The following TSNARE1 variants were observed in gnomAD, a reference collection of about 807,000 sequenced individuals.
TSNARE1 encodes t-SNARE domain-containing protein 1.
A neutral mutation model predicts 62.0 loss-of-function variants in TSNARE1; 49 were observed. The ratio of observed to expected loss-of-function variants is 0.79; its 90% confidence interval spans 0.63 to 1.00. TSNARE1 has a LOEUF of 1.00. Ranked by LOEUF, TSNARE1 falls within the 50% of genes least tolerant of loss-of-function variation. The probability of loss-of-function intolerance (pLI) is 0.00; values close to 1 mark genes in which losing one functional copy is unlikely to be tolerated. For missense variants in TSNARE1, 755 were observed against 700.1 expected (o/e 1.08, Z -0.88); for synonymous variants, 328 against 294.4 (o/e 1.11, Z -1.17).
intron 1 of TSNARE1, among the ~76,000 whole-genome samples, chr8:142,375,376 C>A (rs117940025): frequency 2.0e-5 from 3 of 152,218 alleles, no homozygotes; most frequent in Non-Finnish European, 4.4e-5. Flanking sequence ...GAGCGCCACA[C>A]GTGGTGGTCA....
upstream of TSNARE1, chr8:142,406,015 G>A (rs1446582115): frequency 6.6e-6 from 1 of 152,266 alleles, no homozygotes; most frequent in African/African-American, 2.4e-5. Context: ...CCCAGGGGAT[G>A]ACTGCAGGAG....
intron 12 of TSNARE1, chr8:142,273,464 T>C: frequency 1.0e-6 from 1 of 985,444 alleles, no homozygotes; most frequent in Non-Finnish European, 1.2e-6. Context: ...GGCCAAGGGC[T>C]GAGGCCAAAC....
At chr8:142,392,556 C>T (rs541515825) in intron 1 of TSNARE1, among the ~76,000 whole-genome samples, 4 of 152,224 alleles carry the variant, frequency 2.6e-5, no homozygotes, top group African/African-American at 7.2e-5. Flanking sequence ...AATTTTTCGG[C>T]GCCAGTATAA....
intron 4 of TSNARE1, among the ~76,000 whole-genome samples, chr8:142,333,168 C>T (rs1831295044): frequency 6.6e-6 from 1 of 152,220 alleles, no homozygotes; most frequent in Non-Finnish European, 1.5e-5. Flanking sequence ...GGTTACACAT[C>T]TGTCACAACG....
At chr8:142,261,115 AGGAGAG>A (rs1383268606) in intron 12 of TSNARE1, among the ~76,000 whole-genome samples, 3 of 49,452 alleles carry the variant, frequency 6.1e-5, no homozygotes, top group African/African-American at 1.0e-4. Flanking sequence ...GGAGCAGGGA[AGGAGAG>A]AGAGAGGAGG....
intron 1 of TSNARE1, among the ~76,000 whole-genome samples, chr8:142,379,253 A>C (rs1430807408): frequency 6.6e-6 from 1 of 152,212 alleles, no homozygotes; most frequent in Non-Finnish European, 1.5e-5. Context: ...TCCGTCACGG[A>C]GTAGGCACCA....
chr8:142,366,050 T>C (rs1366901562), intron 1 of TSNARE1: 3 of 371,280 alleles, frequency 8.1e-6, no homozygotes, highest in Non-Finnish European at 1.6e-5. Context: ...ATTGCTTTTT[T>C]TTCTTTTTTT....
intron 1 of TSNARE1, among the ~76,000 whole-genome samples, chr8:142,393,728 C>T (rs931412487): frequency 3.9e-5 from 6 of 152,192 alleles, no homozygotes; most frequent in African/African-American, 1.4e-4. Flanking sequence ...CCCACCCTCT[C>T]CTACTGCAGA....
At chr8:142,213,386 C>A (rs557928033) in intron 13 of TSNARE1, among the ~76,000 whole-genome samples, 23 of 149,782 alleles carry the variant, frequency 1.5e-4, no homozygotes, top group African/African-American at 5.7e-4. Context: ...TAGCCTTGGG[C>A]AGATGGCAAG....
chr8:142,230,927 T>G (rs1289915231), intron 12 of TSNARE1, among the ~76,000 whole-genome samples: 1 of 150,128 alleles, frequency 6.7e-6, no homozygotes, highest in African/African-American at 2.5e-5. Flanking sequence ...CATCTGTCCA[T>G]CCATCCATCC....
At chr8:142,217,250 A>T (rs1563749908) in intron 13 of TSNARE1, among the ~76,000 whole-genome samples, 1 of 150,922 alleles carries the variant, frequency 6.6e-6, no homozygotes, top group South Asian at 2.1e-4. Context: ...TCTCAAAAAT[A>T]AAATAATAAA....
At chr8:142,277,416 C>A in intron 11 of TSNARE1, 2 of 985,452 alleles carry the variant, frequency 2.0e-6, no homozygotes, top group Non-Finnish European at 2.4e-6. Context: ...GGTCAACTCG[C>A]TGCCCCCAGC....
intron 10 of TSNARE1, among the ~76,000 whole-genome samples, chr8:142,288,512 A>C (rs1213940764): frequency 6.6e-6 from 1 of 152,216 alleles, no homozygotes; most frequent in Non-Finnish European, 1.5e-5. Context: ...CTGGCTTCAC[A>C]GATAGCTTGC....
chr8:142,308,102 G>C (rs1355511988), intron 9 of TSNARE1, among the ~76,000 whole-genome samples: 3 of 152,180 alleles, frequency 2.0e-5, no homozygotes, highest in Non-Finnish European at 4.4e-5. Context: ...CCCTTTCCTT[G>C]TTGATTTGTA....
intron 1 of TSNARE1, among the ~76,000 whole-genome samples, chr8:142,365,598 A>ACACG (rs1835477101): frequency 1.7e-5 from 2 of 116,382 alleles, no homozygotes; most frequent in Non-Finnish European, 3.4e-5. Flanking sequence ...AAACACATGC[A>ACACG]CACGCACACA....
At position 142,356,188 on chromosome 8, in the gene TSNARE1, G is replaced by A. The variant is rs867597463; in HGVS notation, c.-39-1425C>T. ...CCGGGCAGGCCCAGCAGGACAGCTG[G>A]ACTCACACCTGCTGCTGGCGCAGGC... is the stretch of plus-strand genomic sequence containing the variant. On this transcript the variant is annotated intron_variant, in intron 1 of 13. Transcript: ENST00000524325. 5.9e-5 allele frequency among the ~76,000 whole-genome samples: 9 copies of A among 152,180 alleles called. No individual in the cohort carries two copies. In the South Asian group the frequency reaches 6.2e-4, roughly 11 times the overall value.
In TSNARE1 at chr8:142,319,087, G is replaced by A. The variant is rs1489026434; in HGVS notation, c.894-453C>T. 1.3e-5 allele frequency among the ~76,000 whole-genome samples: 2 copies of A among 152,018 alleles called. No individual in the cohort carries two copies. The highest frequency in any genetic ancestry group is 2.1e-4 in the South Asian group (1 of 4,822). On this transcript the variant is annotated intron_variant, in intron 6 of 13. Transcript: ENST00000524325. This position sits in a 1 kb window ranked among gnomAD's most constrained non-coding sequence, Gnocchi z 4.9. ...ACGGCGCAGGTAAGCTCTGGCTGGG[G>A]TGGGTGGCCCAGCCAGAACAGTGGC...
At chr8:142,265,628 G>T (rs1398777061) in intron 12 of TSNARE1, among the ~76,000 whole-genome samples, 10 of 152,218 alleles carry the variant, frequency 6.6e-5, no homozygotes, top group African/African-American at 2.4e-4. Context: ...AAACTGTTGT[G>T]TTGTATAGTA....
At chr8:142,392,400 T>C (rs542433891) in intron 1 of TSNARE1, among the ~76,000 whole-genome samples, 1 of 152,174 alleles carries the variant, frequency 6.6e-6, no homozygotes, top group Non-Finnish European at 1.5e-5. Context: ...GGTAACATAG[T>C]GTTCATTATC....
Sources: gnomAD v4.1 joint callset for allele counts (sites outside exome capture counted in the v4.1 genomes callset) on GRCh38, gnomAD v4.1.1 for gene constraint, Gnocchi (gnomAD v3.1) non-coding constraint, MANE v1.5 for transcripts, NCBI Gene and HGNC (gene_info 2026-07-23, HGNC 2026-07-21) for gene names.